Variants in HCN1 observed in about 807,000 individuals in gnomAD.
The protein encoded by HCN1 is hyperpolarization activated cyclic nucleotide gated potassium channel 1.
In HCN1, 13 loss-of-function variants were observed where a neutral mutation model predicts 78.9. The ratio of observed to expected loss-of-function variants is 0.16; its 90% CI spans 0.11 to 0.26. The LOEUF is 0.26. HCN1 is among the 10% of genes least tolerant of loss of function. HCN1 has a pLI of 1.00. For missense variants in HCN1, 810 were observed against 1,154.3 expected (o/e 0.70, Z 4.32); for synonymous variants, 552 against 455.5 (o/e 1.21, Z -2.70).
At chr5:45,548,806 T>C (rs1030525550) in intron 2 of HCN1, among the ~76,000 whole-genome samples, 3 of 152,070 alleles carry the variant, frequency 2.0e-5, no homozygotes, top group African/African-American at 7.2e-5. Flanking sequence ...AGTCTCAGGA[T>C]ACAAAATCAA....
chr5:45,619,122 C>A (rs974938093), intron 2 of HCN1, among the ~76,000 whole-genome samples: 2 of 152,010 alleles, frequency 1.3e-5, no homozygotes, highest in African/African-American at 4.8e-5. Context: ...TCAGTCACAT[C>A]AAACTCCTAA....
intron 2 of HCN1, among the ~76,000 whole-genome samples, chr5:45,572,167 A>C (rs942392812): frequency 3.9e-5 from 6 of 152,176 alleles, no homozygotes; most frequent in Non-Finnish European, 8.8e-5. Context: ...TTGATAACTT[A>C]TTAATGCCAA....
chr5:45,666,007 T>G (rs908443797), intron 1 of HCN1, among the ~76,000 whole-genome samples: 8 of 151,850 alleles, frequency 5.3e-5, no homozygotes, highest in African/African-American at 1.7e-4. Flanking sequence ...TGTAATACTC[T>G]CCCCCCAAGT....
At chr5:45,346,719 AC>A (rs749467383) in intron 5 of HCN1, among the ~76,000 whole-genome samples, 2 of 152,188 alleles carry the variant, frequency 1.3e-5, no homozygotes, top group African/African-American at 2.4e-5. Flanking sequence ...TATATCCTGC[AC>A]CTGGCTTGGA....
At chr5:45,431,154 T>C (rs1057326698) in intron 3 of HCN1, among the ~76,000 whole-genome samples, 4 of 152,310 alleles carry the variant, frequency 2.6e-5, no homozygotes, top group African/African-American at 9.6e-5. Context: ...TGAAATGGCA[T>C]CTCATTTGTG....
chr5:45,398,488 G>A (rs1295329326), intron 3 of HCN1, among the ~76,000 whole-genome samples: 1 of 152,126 alleles, frequency 6.6e-6, no homozygotes, highest in African/African-American at 2.4e-5. Context: ...TGTCACATGT[G>A]TAGGTTCATG....
At chr5:45,392,230 T>A (rs1297045561) in intron 4 of HCN1, among the ~76,000 whole-genome samples, 1 of 152,172 alleles carries the variant, frequency 6.6e-6, no homozygotes, top group Non-Finnish European at 1.5e-5. Context: ...ACCATTAGCT[T>A]ACACAAATTT....
At chr5:45,686,606 C>T (rs183933193) in intron 1 of HCN1, among the ~76,000 whole-genome samples, 2 of 151,916 alleles carry the variant, frequency 1.3e-5, no homozygotes, top group East Asian at 1.9e-4. Flanking sequence ...ATTCTTTTCC[C>T]TTTTTTAGAC....
rs556461696 is a variant in HCN1, at chr5:45,314,758, G to A, written c.1378-10919C>T. Among the ~76,000 whole-genome samples, 27 of 152,212 alleles carry A rather than the reference G, an allele frequency of 1.8e-4. 1 individual carries two copies. The highest frequency in any genetic ancestry group is 6.0e-4 in the African/African-American group (25 of 41,524). ...TAGAAAACAAAAAAAGGCAGGAGTT[G>A]CAATCCTAGTCTCTGATAAAACAGA... On this transcript the variant is annotated intron_variant, in intron 5 of 7. Coordinates refer to ENST00000303230, the MANE Select transcript of HCN1 (RefSeq NM_021072.4).
At chr5:45,631,998 G>T (rs1421856393) in intron 2 of HCN1, among the ~76,000 whole-genome samples, 1 of 152,112 alleles carries the variant, frequency 6.6e-6, no homozygotes, top group Non-Finnish European at 1.5e-5. Context: ...AGTTGAGTAA[G>T]ATACTTTGCC....
intron 5 of HCN1, among the ~76,000 whole-genome samples, chr5:45,344,053 C>T (rs1454396677): frequency 6.6e-6 from 1 of 152,038 alleles, no homozygotes; most frequent in East Asian, 1.9e-4. Flanking sequence ...CACAGTTCAG[C>T]ATGGTAGGGG....
intron 3 of HCN1, among the ~76,000 whole-genome samples, chr5:45,396,917 C>T (rs1739698822): frequency 6.6e-6 from 1 of 152,156 alleles, no homozygotes; most frequent in South Asian, 2.1e-4. Context: ...AAACAGTCTG[C>T]TGTTACTTAC....
At chr5:45,621,955 A>T (rs1231677742) in intron 2 of HCN1, among the ~76,000 whole-genome samples, 2 of 152,188 alleles carry the variant, frequency 1.3e-5, no homozygotes, top group Non-Finnish European at 2.9e-5. Flanking sequence ...CCAATAGTGT[A>T]TCTTAAGATT....
At position 45,522,611 on chromosome 5, in the gene HCN1, TTTTTG is replaced by T. The variant is rs1223399631; in HGVS notation, c.850-60609_850-60605del. ...AATGTAAGTCTCTTTTCTTTTTTTTTTTTTGTTTTGTTTTGTTTTGCAATCTGAAA... is the reference window on the plus strand; with the variant it reads ...AATGTAAGTCTCTTTTCTTTTTTTTTTTTTGTTTTGTTTTGCAATCTGAAA... On this transcript the variant is annotated intron_variant, in intron 2 of 7. Transcript: ENST00000303230. Among the ~76,000 whole-genome samples the T allele has an allele frequency of 9.2e-5, 14 of 151,990 alleles. No individual in the cohort carries two copies. In the East Asian group the frequency reaches 2.1e-3, roughly 23 times the overall value.
chr5:45,596,140 C>T (rs1338840147), intron 2 of HCN1, among the ~76,000 whole-genome samples: 1 of 152,040 alleles, frequency 6.6e-6, no homozygotes, highest in East Asian at 1.9e-4. Flanking sequence ...CCTTGTGATC[C>T]ACCCGCCTTG....
chr5:45,333,221 C>T (rs577475664), intron 5 of HCN1, among the ~76,000 whole-genome samples: 2 of 151,730 alleles, frequency 1.3e-5, no homozygotes, highest in African/African-American at 2.4e-5. Context: ...TTTTGATTTG[C>T]GTTTCTCTGA....
At chr5:45,566,412 G>A (rs926973079) in intron 2 of HCN1, among the ~76,000 whole-genome samples, 3 of 151,692 alleles carry the variant, frequency 2.0e-5, no homozygotes, top group Non-Finnish European at 2.9e-5. Context: ...TACTATTTCA[G>A]TATTTGAGAT....
chr5:45,522,602 C>CTT (rs79339415), intron 2 of HCN1, among the ~76,000 whole-genome samples: 2 of 141,346 alleles, frequency 1.4e-5, no homozygotes, highest in South Asian at 2.2e-4. Flanking sequence ...AGTCTCTTTT[C>CTT]TTTTTTTTTT....
At position 45,658,647 on chromosome 5, in the gene HCN1, G is replaced by A. The variant is rs868240748; in HGVS notation, c.426-13039C>T. Among the ~76,000 whole-genome samples the A allele has an allele frequency of 4.0e-4, 61 of 151,760 alleles. 1 individual carries two copies. Among genetic ancestry groups the A allele is most frequent in the South Asian group, 4.0e-3 (19 of 4,796 alleles). ...CGAGGCATTGCCTCACCTGGGAAGC[G>A]CAAGGGGTCAGGGAGTTCCCTTTCC... On this transcript the variant is annotated intron_variant, in intron 1 of 7. Transcript: ENST00000303230.
Sources: allele counts gnomAD v4.1 joint callset (sites outside exome capture counted in the v4.1 genomes callset), GRCh38; gene constraint gnomAD v4.1.1; transcripts MANE v1.5; gene names NCBI Gene and HGNC (gene_info 2026-07-23, HGNC 2026-07-21).